The following PATJ variants were observed in gnomAD, a reference collection of about 807,000 sequenced individuals.
PATJ encodes the protein inaD-like protein.
In PATJ, 190 loss-of-function variants were observed where a neutral mutation model predicts 224.9. The ratio of observed to expected loss-of-function variants is 0.84; its 90% CI spans 0.75 to 0.95. PATJ has a LOEUF of 0.95. Among genes scored for constraint, PATJ ranks in the 40% least tolerant of loss-of-function variants. PATJ has a pLI of 0.00. For synonymous variants in PATJ, 769 were observed against 820.3 expected, an observed-to-expected ratio of 0.94 and a Z score of 1.07; for missense variants, 2,121 against 2,270.3, an observed-to-expected ratio of 0.93 and a Z score of 1.34.
chr1:61,927,857 G>T, intron 27 of PATJ, 28 bp downstream of exon 27: 1 of 1,405,834 alleles, frequency 7.1e-7, no homozygotes, highest in Admixed American at 1.9e-5. Flanking sequence ...ATTTAGGGTA[G>T]ATGCAGAACT....
chr1:61,814,819 G>C (rs1171303063), intron 14 of PATJ, among the ~76,000 whole-genome samples: 2 of 152,052 alleles, frequency 1.3e-5, no homozygotes, highest in African/African-American at 2.4e-5. Context: ...GGATAGTAAA[G>C]GTTGCCTAGG....
chr1:62,148,370 A>G lies in PATJ; in HGVS notation c.5358A>G (p.Glu1786=), dbSNP rs1668289046. The stretch of plus-strand genomic sequence containing the variant: ...ACCACCTTGGTTCGCCCACTGCTGA[A>G]CACCATCCAGAAGACACAGAGTGAG... The part of the protein sequence containing the change: ...TGYHLGSPTA[E]HHPEDTETPP... Residue 1786 remains glutamate, a synonymous_variant, in exon 42 of 44, where the codon GAA becomes GAG. Transcript: ENST00000642238. 1 of 1,612,910 alleles carries G rather than the reference A, an allele frequency of 6.2e-7. No individual in the cohort carries two copies. The highest frequency in any genetic ancestry group is 1.3e-5 in the African/African-American group (1 of 74,890).
chr1:62,153,555 T>C, intron 43 of PATJ, 74 bp downstream of exon 43: 1 of 1,021,556 alleles, frequency 9.8e-7, no homozygotes. Context: ...TGCTTTGCTT[T>C]GCTTTACTTT....
At chr1:62,095,748 G>A (rs986327051) in intron 33 of PATJ, among the ~76,000 whole-genome samples, 2 of 152,160 alleles carry the variant, frequency 1.3e-5, no homozygotes, top group African/African-American at 4.8e-5. Flanking sequence ...CTGTTCACAG[G>A]AGTTGTATTC....
chr1:61,934,020 C>G (rs1676441832), intron 27 of PATJ, among the ~76,000 whole-genome samples: 1 of 152,082 alleles, frequency 6.6e-6, no homozygotes. Flanking sequence ...ACTGCAACCT[C>G]TGCCTCCCGG....
intron 28 of PATJ, among the ~76,000 whole-genome samples, chr1:62,011,565 A>C (rs1027694054): frequency 6.6e-6 from 1 of 152,196 alleles, no homozygotes; most frequent in African/African-American, 2.4e-5. Context: ...GTCATGGATC[A>C]CATATCGCCA....
intron 41 of PATJ, among the ~76,000 whole-genome samples, chr1:62,134,988 G>T (rs940655604): frequency 1.0e-5 from 1 of 99,474 alleles, no homozygotes; most frequent in African/African-American, 4.2e-5. Context: ...CAGAGCAGGC[G>T]CGTCATGGCC....
At chr1:62,013,746 G>A (rs754258906) in intron 28 of PATJ, among the ~76,000 whole-genome samples, 4 of 152,184 alleles carry the variant, frequency 2.6e-5, no homozygotes, top group Non-Finnish European at 4.4e-5. Flanking sequence ...TTAACTGAAT[G>A]CCAGGCCTTG....
chr1:62,048,995 A>G (rs760037185), intron 30 of PATJ, among the ~76,000 whole-genome samples: 7 of 152,298 alleles, frequency 4.6e-5, no homozygotes, highest in African/African-American at 1.7e-4. Context: ...TTTGAAAGCA[A>G]CTTGCCCCAA....
intron 16 of PATJ, among the ~76,000 whole-genome samples, chr1:61,830,672 C>G (rs1659144722): frequency 6.6e-6 from 1 of 151,890 alleles, no homozygotes; most frequent in East Asian, 1.9e-4. Flanking sequence ...AGTATTGGTA[C>G]AAAAATAGAC....
intron 43 of PATJ, among the ~76,000 whole-genome samples, chr1:62,157,290 C>T (rs193143866): frequency 0.042 from 5,949 of 141,986 alleles, 295 homozygotes; most frequent in Admixed American, 0.087. Context: ...CACCATTGCA[C>T]TCCAGCCTGG....
rs761170173 is a variant in PATJ at position 62,079,565 on chromosome 1, A to AT, written c.4242dup (p.Gly1415TrpfsTer52). ...TCAACAGATGCAGACTTCACAGGCTATGGTATGATTCTTTCTCTCAGCAGA... is the reference window on the plus strand; with the variant it reads ...TCAACAGATGCAGACTTCACAGGCTATTGGTATGATTCTTTCTCTCAGCAGA... On this transcript the variant is annotated frameshift_variant and splice_region_variant, in exon 32 of 44. Coordinates refer to ENST00000642238, the MANE Select transcript of PATJ (RefSeq NM_001350145.3). LOFTEE classifies it high-confidence loss of function. The AT allele has an allele frequency of 2.9e-5, 45 of 1,574,798 alleles. No individual in the cohort carries two copies. Among genetic ancestry groups the AT allele is most frequent in the Non-Finnish European group, 4.4e-6 (5 of 1,144,754 alleles).
Position 61,991,654 on chromosome 1 carries a change from A to G in PATJ, c.3867+1290A>G, listed in dbSNP as rs372001615. ...TTTCTGCAAAGAAGTCACTTCCAGG[A>G]TTACTTTTCTTTTCTTGTTCTTTTA... On this transcript the variant is annotated intron_variant, in intron 28 of 43. Transcript: ENST00000642238. The G allele has an allele frequency of 7.1e-6, 7 of 985,312 alleles. 1 individual carries two copies. In the African/African-American group the frequency reaches 1.0e-4, roughly 15 times the overall value. The allele number at this position is 985,312 out of a possible 1,614,324, so 61.0% of individuals were successfully genotyped here. A position where few individuals can be genotyped will look rare whatever the true frequency, so the allele number is the denominator to read the frequency against.
chr1:61,742,777 C>T (rs1644825206), intron 1 of PATJ, among the ~76,000 whole-genome samples: 1 of 150,346 alleles, frequency 6.7e-6, no homozygotes, highest in African/African-American at 2.4e-5. Flanking sequence ...CGGCGTGCGT[C>T]CGCGCTGACC....
intron 27 of PATJ, 58 bp downstream of exon 27, chr1:61,927,887 G>A (rs1675456384): frequency 9.1e-6 from 11 of 1,206,172 alleles, no homozygotes; most frequent in African/African-American, 1.5e-5. Context: ...ATGTTTTAAC[G>A]ACTGTTGTAA....
chr1:61,963,659 G>A (rs1681650555), intron 27 of PATJ, among the ~76,000 whole-genome samples: 2 of 152,076 alleles, frequency 1.3e-5, no homozygotes, highest in Admixed American at 1.3e-4. Flanking sequence ...AGTGGAAGTG[G>A]ATCATCATAA....
At chr1:61,835,190 A>G (rs12408315) in intron 17 of PATJ, among the ~76,000 whole-genome samples, 9,598 of 152,256 alleles carry the variant, frequency 0.063, 410 homozygotes, top group South Asian at 0.14. Flanking sequence ...TTTGGAAAAT[A>G]TATTTATCAA....
intron 17 of PATJ, among the ~76,000 whole-genome samples, chr1:61,854,008 T>A (rs1663249728): frequency 6.6e-6 from 1 of 152,240 alleles, no homozygotes; most frequent in Non-Finnish European, 1.5e-5. Context: ...ATTAGCTGTG[T>A]AGCCTTTGTT....
chr1:61,846,743 C>G (rs982903421), intron 17 of PATJ, among the ~76,000 whole-genome samples: 1 of 152,054 alleles, frequency 6.6e-6, no homozygotes, highest in East Asian at 1.9e-4. Flanking sequence ...ATTACAGGTG[C>G]GCACCACCAA....
Sources: gnomAD v4.1 joint callset for allele counts (sites outside exome capture counted in the v4.1 genomes callset) on GRCh38, gnomAD v4.1.1 for gene constraint, MANE v1.5 for transcripts, NCBI Gene and HGNC (gene_info 2026-07-23, HGNC 2026-07-21) for gene names.